FLG: variants seen among roughly 807,000 people sequenced by gnomAD.
FLG encodes the protein epidermal filaggrin.
In FLG, 6 loss-of-function variants were observed where a neutral mutation model predicts 3.8. The ratio of observed to expected loss-of-function variants is 1.60; its 90% confidence interval spans 0.87 to 3.15. The LOEUF is 3.15. Ranked by LOEUF, FLG falls within the 30% of genes most tolerant of loss-of-function variation. FLG has a pLI of 0.00. For synonymous variants in FLG, 2,551 were observed against 1,931.6 expected, an observed-to-expected ratio of 1.32 and a Z score of -8.41; for missense variants, 7,595 against 5,050.9, an observed-to-expected ratio of 1.50 and a Z score of -15.27.
At position 152,307,717 on chromosome 1, in the gene FLG, C is replaced by T. The variant is rs1652077886; in HGVS notation, c.7169G>A (p.Gly2390Glu). The change falls in exon 3 of 3, where the codon GGG (glycine) becomes GAG (glutamate). Residue 2390 changes from glycine to glutamate, a missense_variant. By Grantham distance (98) the Gly-to-Glu change is moderately conservative (BLOSUM62 -2). Transcript: ENST00000368799. ...CTCTTGGTGGCTCTGCTGATGGGGC[C>T]CAGCCTGTCCGTGGGCTGACACTGA... ...TQSVSAHGQAGPHQQSHQEST... is the reference protein window; with the variant it reads ...TQSVSAHGQAEPHQQSHQEST... 6.2e-7 allele frequency: 1 copy of T among 1,613,114 alleles called. No homozygotes were observed. Among genetic ancestry groups the T allele is most frequent in the Non-Finnish European group, 8.5e-7 (1 of 1,179,814 alleles).
At position 152,311,001 on chromosome 1, in the gene FLG, A is replaced by T; in HGVS notation, c.3885T>A (p.His1295Gln). 1 of 1,613,784 alleles carries T rather than the reference A, an allele frequency of 6.2e-7. No homozygotes were observed. The highest frequency in any genetic ancestry group is 8.5e-7 in the Non-Finnish European group (1 of 1,179,936). Residue 1295 changes from histidine to glutamine, a missense_variant, in exon 3 of 3, where the codon CAT (histidine) becomes CAA (glutamine). Transcript: ENST00000368799. ...CTCTTGACTGCTCCCGAGAAGATCC[A>T]TGATGGTTTCTGGAAGCAGACCCAG... ...RLSGSASRNH[H>Q]GSSREQSRDG...
chr1:152,313,702 G>T lies in FLG; in HGVS notation c.1184C>A (p.Ser395Tyr), dbSNP rs200739818. 19 of 1,614,074 alleles carry T rather than the reference G, an allele frequency of 1.2e-5. No homozygotes were observed. The highest frequency in any genetic ancestry group is 3.4e-6 in the Non-Finnish European group (4 of 1,179,992). The change falls in exon 3 of 3, where the codon TCC (serine) becomes TAC (tyrosine). Residue 395 changes from serine (S) to tyrosine (Y), a missense_variant. Coordinates refer to ENST00000368799, the MANE Select transcript of FLG (RefSeq NM_002016.2). ...GSGHQQSADS[S>Y]RHSATGRGQA... The stretch of plus-strand genomic sequence containing the variant: ...CCCGCGCCCAGTGGCTGAGTGTCTG[G>T]AGCTGTCTGCTGACTGCTGGTGGCC...
rs1652709116 is a variant in FLG at position 152,314,631 on chromosome 1, A to G, written c.255T>C (p.Tyr85=). 1.2e-6 allele frequency: 2 copies of G among 1,614,052 alleles called. No individual in the cohort carries two copies. Among genetic ancestry groups the G allele is most frequent in the Non-Finnish European group, 1.7e-6 (2 of 1,179,990 alleles). Residue 85 remains tyrosine, a synonymous_variant, in exon 3 of 3, where the codon TAT becomes TAC. Transcript: ENST00000368799. ...AATTCTCTTTTCTGGTAGACTCATA[A>G]TATGCTTGAGCCAACTTGAATACCA... The part of the protein sequence containing the change: ...LLMVFKLAQA[Y]YESTRKENLP...
rs1651670994 is a variant in FLG at position 152,302,517 on chromosome 1, T to G, written c.*183A>C. On this transcript the variant is annotated 3_prime_UTR_variant, in exon 3 of 3. Coordinates refer to ENST00000368799, the MANE Select transcript of FLG (RefSeq NM_002016.2). ...TCTTCCATTTAATATTTCTGAAATATAGCGTTTAAAGATCATTACACAATA... is the reference window on the plus strand; with the variant it reads ...TCTTCCATTTAATATTTCTGAAATAGAGCGTTTAAAGATCATTACACAATA... The G allele has an allele frequency of 2.7e-6, 2 of 728,082 alleles. No individual in the cohort carries two copies. Among genetic ancestry groups the G allele is most frequent in the South Asian group, 3.9e-5 (2 of 51,088 alleles). The allele number at this position is 728,082 out of a possible 1,614,324, so 45.1% of individuals were successfully genotyped here.
chr1:152,303,288 G>C lies in FLG; in HGVS notation c.11598C>G (p.Asp3866Glu). 6.2e-7 allele frequency: 1 copy of C among 1,614,088 alleles called. No homozygotes were observed. Among genetic ancestry groups the C allele is most frequent in the Non-Finnish European group, 8.5e-7 (1 of 1,180,030 alleles). ...CCTCTGGGTATGCCTCACTGTCACTGTCCTGGCTAACACTGGATCCCTGGC... is the reference window on the plus strand; with the variant it reads ...CCTCTGGGTATGCCTCACTGTCACTCTCCTGGCTAACACTGGATCCCTGGC... ...SRRQGSSVSQ[D>E]SDSEAYPEDS... The change falls in exon 3 of 3, where the codon GAC (aspartate) becomes GAG (glutamate). Residue 3866 changes from aspartate (D) to glutamate (E), a missense_variant. Physicochemically the swap from Asp to Glu is conservative, Grantham distance 45. Coordinates refer to ENST00000368799, the MANE Select transcript of FLG (RefSeq NM_002016.2).
Position 152,313,881 on chromosome 1 carries a change from G to A in FLG, c.1005C>T (p.His335=). ...CTCTGTCTTCATCATGGGACCTGGG[G>A]TGTCTGGAGCCATCTCTTGACTGCT... is the stretch of plus-strand genomic sequence containing the variant. ...AWEQSRDGSR[H]PRSHDEDRAS... is the part of the protein sequence containing the mutation. The change falls in exon 3 of 3, where the codon CAC becomes CAT. Residue 335 remains histidine, a synonymous_variant. Transcript: ENST00000368799. The A allele has an allele frequency of 5.0e-6, 8 of 1,613,934 alleles. No homozygotes were observed. The highest frequency in any genetic ancestry group is 6.8e-6 in the Non-Finnish European group (8 of 1,179,936).
At position 152,302,771 on chromosome 1, in the gene FLG, A is replaced by G; in HGVS notation, c.12115T>C (p.Cys4039Arg). The G allele has an allele frequency of 6.2e-7, 1 of 1,614,230 alleles. No individual in the cohort carries two copies. The highest frequency in any genetic ancestry group is 1.1e-5 in the South Asian group (1 of 91,078). The change falls in exon 3 of 3, where the codon TGT (cysteine) becomes CGT (arginine). Residue 4039 changes from cysteine to arginine, a missense_variant. Coordinates refer to ENST00000368799, the MANE Select transcript of FLG (RefSeq NM_002016.2). ...TTCGATATATCACTAGAATGGCCAC[A>G]TAAACCTGGGTCCTTATTAATATAC... ...ATYINKDPGL[C>R]GHSSDISKQL...
intron 1 of FLG, among the ~76,000 whole-genome samples, chr1:152,318,873 A>G (rs1380239058): frequency 4.6e-5 from 7 of 151,890 alleles, no homozygotes; most frequent in Admixed American, 2.6e-4. Flanking sequence ...ATATGTACAT[A>G]ACTAAAATAA....
chr1:152,311,599 T>C lies in FLG; in HGVS notation c.3287A>G (p.Gln1096Arg). Residue 1096 changes from glutamine (Q) to arginine (R), a missense_variant, in exon 3 of 3, where the codon CAG becomes CGG. Physicochemically the swap from Gln to Arg is conservative, Grantham distance 43 (BLOSUM62 1). Coordinates refer to ENST00000368799, the MANE Select transcript of FLG (RefSeq NM_002016.2). Reference sequence around the variant, plus strand: ...ACGTGCGGACTCTTGGTGGCTCTGCTGATGGGGCCCATCCTGTCCATGGCC... The same window carrying C: ...ACGTGCGGACTCTTGGTGGCTCTGCCGATGGGGCCCATCCTGTCCATGGCC... ...VSGHGQDGPH[Q>R]QSHQESARDW... is the part of the protein sequence containing the mutation. 6.2e-7 allele frequency: 1 copy of C among 1,614,122 alleles called. No homozygotes were observed. The highest frequency in any genetic ancestry group is 1.3e-5 in the African/African-American group (1 of 75,044).
chr1:152,311,994 C>T lies in FLG; in HGVS notation c.2892G>A (p.Gly964=). 1 of 1,614,072 alleles carries T rather than the reference C, an allele frequency of 6.2e-7. No individual in the cohort carries two copies. The highest frequency in any genetic ancestry group is 1.1e-5 in the South Asian group (1 of 91,074). ...ATCCACGATGGTTTCTGGAAGCAGACCCAGACCACCTCTCAGAGTCTTCTG... is the reference window on the plus strand; with the variant it reads ...ATCCACGATGGTTTCTGGAAGCAGATCCAGACCACCTCTCAGAGTCTTCTG... ...GHSEDSERWS[G]SASRNHRGSA... Residue 964 remains glycine, a synonymous_variant, in exon 3 of 3, where the codon GGG becomes GGA. Transcript: ENST00000368799.
At position 152,312,138 on chromosome 1, in the gene FLG, A is replaced by G. The variant is rs767842701; in HGVS notation, c.2748T>C (p.Ala916=). ...GTCTAGAGATGTCGGCATGAGAGGAAGCTTCATGGTGACGTGACCCTGAGT... is the reference window on the plus strand; with the variant it reads ...GTCTAGAGATGTCGGCATGAGAGGAGGCTTCATGGTGACGTGACCCTGAGT... ...SRHSGSRHHE[A]SSHADISRHS... Residue 916 remains alanine (A), a synonymous_variant, in exon 3 of 3, where the codon GCT becomes GCC. Coordinates refer to ENST00000368799, the MANE Select transcript of FLG (RefSeq NM_002016.2). 1.4e-5 allele frequency: 22 copies of G among 1,613,782 alleles called. No individual in the cohort carries two copies. In the Admixed American group the frequency reaches 3.7e-4, roughly 27 times the overall value.
chr1:152,307,489 G>C lies in FLG; in HGVS notation c.7397C>G (p.Pro2466Arg). The C allele has an allele frequency of 1.2e-6, 2 of 1,613,304 alleles. No individual in the cohort carries two copies. Among genetic ancestry groups the C allele is most frequent in the South Asian group, 1.1e-5 (1 of 91,002 alleles). The stretch of plus-strand genomic sequence containing the variant: ...CTGCCTTCCTCCACTGCTTGACCCC[G>C]GGTGTCCATGAATGGTGTCCTGACC... Reference protein sequence around the residue: ...QEGQDTIHGHPGSSSGGRQGS... With the variant: ...QEGQDTIHGHRGSSSGGRQGS... The change falls in exon 3 of 3, where the codon CCG (proline) becomes CGG (arginine). Residue 2466 changes from proline to arginine, a missense_variant. Coordinates refer to ENST00000368799, the MANE Select transcript of FLG (RefSeq NM_002016.2).
Position 152,310,862 on chromosome 1 carries a change from C to T in FLG, c.4024G>A (p.Ala1342Thr). 1.2e-6 allele frequency: 2 copies of T among 1,613,984 alleles called. No individual in the cohort carries two copies. Among genetic ancestry groups the T allele is most frequent in the Non-Finnish European group, 1.7e-6 (2 of 1,179,986 alleles). ...HHTESSSHGQ[A>T]VSSHEQARSS... is the part of the protein sequence containing the mutation. ...CTTGCCTGTTCATGGGATGACACAGCCTGTCCATGAGAGGAAGACTCTGTG... is the reference window on the plus strand; with the variant it reads ...CTTGCCTGTTCATGGGATGACACAGTCTGTCCATGAGAGGAAGACTCTGTG... Residue 1342 changes from alanine (A) to threonine (T), a missense_variant, in exon 3 of 3, where the codon GCT (alanine) becomes ACT (threonine). Transcript: ENST00000368799.
chr1:152,315,562 C>A, intron 1 of FLG, 85 bp from the exon 2 acceptor site: 1 of 1,064,214 alleles, frequency 9.4e-7, no homozygotes. Flanking sequence ...CATTTTAAAC[C>A]TACATTTTCC....
rs1651738493 is a variant in FLG, at chr1:152,303,631, T to G, written c.11255A>C (p.Gln3752Pro). The change falls in exon 3 of 3, where the codon CAA becomes CCA. Residue 3752 changes from glutamine (Q) to proline (P), a missense_variant. Physicochemically the swap from Gln to Pro is moderately conservative, Grantham distance 76 (BLOSUM62 -1). Coordinates refer to ENST00000368799, the MANE Select transcript of FLG (RefSeq NM_002016.2). The part of the protein sequence containing the change: ...ARDSSRHSAS[Q>P]EGQDTIRGHP... ...TCCACGAATGGTGTCCTGACCCTCT[T>G]GGGACGCTGAGTGCCTGGAGCTGTC... The G allele has an allele frequency of 1.9e-6, 3 of 1,613,766 alleles. No individual in the cohort carries two copies. Among genetic ancestry groups the G allele is most frequent in the Non-Finnish European group, 2.5e-6 (3 of 1,179,888 alleles).
rs772803770 is a variant in FLG at position 152,303,600 on chromosome 1, C to T, written c.11286G>A (p.Pro3762=). 23 of 1,613,674 alleles carry T rather than the reference C, an allele frequency of 1.4e-5. No individual in the cohort carries two copies. The highest frequency in any genetic ancestry group is 2.7e-5 in the African/African-American group (2 of 74,804). ...QEGQDTIRGH[P]GSRRGGRQGS... is the part of the protein sequence containing the mutation. Reference sequence around the variant, plus strand: ...CCTGTCTTCCTCCTCTCCTTGACCCCGGGTGTCCACGAATGGTGTCCTGAC... The same window carrying T: ...CCTGTCTTCCTCCTCTCCTTGACCCTGGGTGTCCACGAATGGTGTCCTGAC... The change falls in exon 3 of 3, where the codon CCG becomes CCA. Residue 3762 remains proline, a synonymous_variant. Coordinates refer to ENST00000368799, the MANE Select transcript of FLG (RefSeq NM_002016.2).
chr1:152,313,239 G>C lies in FLG; in HGVS notation c.1647C>G (p.Thr549=), dbSNP rs1321260379. The C allele has an allele frequency of 6.2e-7, 1 of 1,613,736 alleles. No individual in the cohort carries two copies. The highest frequency in any genetic ancestry group is 1.3e-5 in the African/African-American group (1 of 74,738). Reference sequence around the variant, plus strand: ...AGGCATCAGACCTTCCCTGGGATGTGGTGTGGCTGTGATGGGAACCTGAGT... The same window carrying C: ...AGGCATCAGACCTTCCCTGGGATGTCGTGTGGCTGTGATGGGAACCTGAGT... The part of the protein sequence containing the change: ...SGHSGSHHSH[T]TSQGRSDASH... Residue 549 remains threonine (T), a synonymous_variant, in exon 3 of 3, where the codon ACC becomes ACG. Coordinates refer to ENST00000368799, the MANE Select transcript of FLG (RefSeq NM_002016.2).
chr1:152,318,862 G>T (rs1652869179), intron 1 of FLG, among the ~76,000 whole-genome samples: 1 of 151,784 alleles, frequency 6.6e-6, no homozygotes, highest in African/African-American at 2.4e-5. Flanking sequence ...ATTGATAAGT[G>T]ATATGTACAT....
In FLG at chr1:152,304,956, T is replaced by C. The variant is rs1651851019; in HGVS notation, c.9930A>G (p.Ala3310=). 2 of 1,613,936 alleles carry C rather than the reference T, an allele frequency of 1.2e-6. No individual in the cohort carries two copies. Among genetic ancestry groups the C allele is most frequent in the Non-Finnish European group, 8.5e-7 (1 of 1,179,982 alleles). The part of the protein sequence containing the change: ...ERHGSRHQQS[A]DSSRHSGIPR... Reference sequence around the variant, plus strand: ...GAATGCCTGAGTGTCTGGAGCTGTCTGCTGACTGCTGGTGGCGGGATCCGT... The same window carrying C: ...GAATGCCTGAGTGTCTGGAGCTGTCCGCTGACTGCTGGTGGCGGGATCCGT... Residue 3310 remains alanine (A), a synonymous_variant, in exon 3 of 3, where the codon GCA becomes GCG. Coordinates refer to ENST00000368799, the MANE Select transcript of FLG (RefSeq NM_002016.2).
Sources: allele counts gnomAD v4.1 joint callset (sites outside exome capture counted in the v4.1 genomes callset), GRCh38; gene constraint gnomAD v4.1.1; transcripts MANE v1.5; gene names NCBI Gene and HGNC (gene_info 2026-07-23, HGNC 2026-07-21).